CELSR3: variants seen among roughly 807,000 people sequenced by gnomAD.
The protein encoded by CELSR3 is cadherin EGF LAG seven-pass G-type receptor 3, also known as EGF-like protein 1.
CELSR3 carries 73 observed loss-of-function variants against 270.0 expected under a neutral mutation model. The observed-to-expected ratio is 0.27, with a 90% CI of 0.22 to 0.33. The LOEUF (loss-of-function observed/expected upper bound fraction) is 0.33. Ranked by LOEUF, CELSR3 falls within the 10% of genes least tolerant of loss-of-function variation. CELSR3 has a pLI of 1.00. For synonymous variants in CELSR3, 1,780 were observed against 1,905.4 expected (o/e 0.93, Z 1.71); for missense variants, 3,614 against 4,533.8 (o/e 0.80, Z 5.83).
rs748143720 is a variant in CELSR3, at chr3:48,651,091, C to T, written c.6187-16G>A. The T allele has an allele frequency of 6.5e-7, 1 of 1,547,214 alleles. No homozygotes were observed. The highest frequency in any genetic ancestry group is 2.3e-5 in the East Asian group (1 of 44,368). On this transcript the variant is annotated splice_polypyrimidine_tract_variant and intron_variant, in intron 14 of 34. Transcript: ENST00000164024. This position sits in a 1 kb window ranked among gnomAD's most constrained non-coding sequence, Gnocchi z 7.4. Reference sequence around the variant, plus strand: ...AGTGGAACTCCTGTTTGAGGATGGGCCAGGGGCCTGAAGTCAGAGGTCAGG... The same window carrying T: ...AGTGGAACTCCTGTTTGAGGATGGGTCAGGGGCCTGAAGTCAGAGGTCAGG...
chr3:48,644,350 GA>G lies in CELSR3; in HGVS notation c.8086-56del. ...GGCAGGGCAGAGAGAGAGAGAGAGAGAGAGGCAATGAGAGACAGAGAGAGAC... is the reference window on the plus strand; with the variant it reads ...GGCAGGGCAGAGAGAGAGAGAGAGAGGAGGCAATGAGAGACAGAGAGAGAC... On this transcript the variant is annotated intron_variant, in intron 26 of 34. Coordinates refer to ENST00000164024, the MANE Select transcript of CELSR3 (RefSeq NM_001407.3). This position sits in a 1 kb window ranked among gnomAD's most constrained non-coding sequence, Gnocchi z 4.8. 5 of 1,487,030 alleles carry G rather than the reference GA, an allele frequency of 3.4e-6. No homozygotes were observed. Among genetic ancestry groups the G allele is most frequent in the South Asian group, 2.3e-5 (2 of 87,946 alleles). 92.1% of individuals were successfully genotyped at this position (1,487,030 alleles called of 1,614,324 possible).
rs760479515 is a variant in CELSR3, at chr3:48,662,253, C to T, written c.382G>A (p.Gly128Arg). 1 of 1,613,178 alleles carries T rather than the reference C, an allele frequency of 6.2e-7. No homozygotes were observed. Residue 128 changes from glycine to arginine, a missense_variant, in exon 1 of 35, where the codon GGA (glycine) becomes AGA (arginine). Physicochemically the swap from Gly to Arg is moderately radical, Grantham distance 125. Around this residue, in one of 7 missense-constraint regions of CELSR3, gnomAD observed 470 missense variants for 469.7 expected, o/e 1.00. Coordinates refer to ENST00000164024, the MANE Select transcript of CELSR3 (RefSeq NM_001407.3). The surrounding 1 kb of genome is among the most constrained non-coding windows in gnomAD (Gnocchi z 7.1). ...CGCCAGTATAACACAGACCCTGGTC[C>T]CTGTCCTGTCTCTCGTTCGCGGCTG... ...LGSRERETGQGPGSVLYWRPE... is the reference protein window; with the variant it reads ...LGSRERETGQRPGSVLYWRPE...
In CELSR3 at chr3:48,646,405, CTTCTGCT is replaced by C; in HGVS notation, c.7296-155_7296-149del. ...AAGCTGTTTCTAAGAATCCCTCCAG[CTTCTGCT>C]GGGCTGCTGAGGGGCTGAGCAGCTC... On this transcript the variant is annotated intron_variant, in intron 21 of 34. Coordinates refer to ENST00000164024, the MANE Select transcript of CELSR3 (RefSeq NM_001407.3). The surrounding 1 kb of genome is among the most constrained non-coding windows in gnomAD (Gnocchi z 4.8). 2.2e-6 allele frequency: 2 copies of C among 926,804 alleles called. No individual in the cohort carries two copies. The highest frequency in any genetic ancestry group is 3.2e-6 in the Non-Finnish European group (2 of 631,896). 57.4% of individuals were successfully genotyped at this position (926,804 alleles called of 1,614,324 possible).
chr3:48,642,065 A>C lies in CELSR3; in HGVS notation c.8666-56T>G. 6.8e-7 allele frequency: 1 copy of C among 1,479,294 alleles called. No homozygotes were observed. The highest frequency in any genetic ancestry group is 9.0e-7 in the Non-Finnish European group (1 of 1,109,640). The allele number at this position is 1,479,294 out of a possible 1,614,324, so 91.6% of individuals were successfully genotyped here. A position where few individuals can be genotyped will look rare whatever the true frequency, so the allele number is the denominator to read the frequency against. On this transcript the variant is annotated intron_variant, in intron 31 of 34. Transcript: ENST00000164024. This position sits in a 1 kb window ranked among gnomAD's most constrained non-coding sequence, Gnocchi z 6.1. ...GAGGTAAGGGACTTGGAGATAAGGG[A>C]ATTTGGAGTTGAGGGTCTAGAGGTG...
chr3:48,661,458 G>A lies in CELSR3; in HGVS notation c.1177C>T (p.Arg393Cys). The A allele has an allele frequency of 6.2e-7, 1 of 1,608,854 alleles. No homozygotes were observed. The highest frequency in any genetic ancestry group is 8.5e-7 in the Non-Finnish European group (1 of 1,178,072). The change falls in exon 1 of 35, where the codon CGC becomes TGC. Residue 393 changes from arginine (R) to cysteine (C), a missense_variant. Physicochemically the swap from Arg to Cys is radical, Grantham distance 180. This residue lies in a region of CELSR3 where 354 missense variants were observed against 500.9 expected (regional missense o/e 0.71). Transcript: ENST00000164024. ...GLIRTAAALDRESMERHYLRV... is the reference protein window; with the variant it reads ...GLIRTAAALDCESMERHYLRV... Reference sequence around the variant, plus strand: ...AGGTAGTGACGCTCCATGCTCTCGCGGTCCAGAGCTGCCGCCGTACGGATA... The same window carrying A: ...AGGTAGTGACGCTCCATGCTCTCGCAGTCCAGAGCTGCCGCCGTACGGATA...
rs1195204816 is a variant in CELSR3 at position 48,659,266 on chromosome 3, T to C, written c.3369A>G (p.Glu1123=). 6.2e-7 allele frequency: 1 copy of C among 1,614,160 alleles called. No homozygotes were observed. The highest frequency in any genetic ancestry group is 1.7e-5 in the Admixed American group (1 of 60,022). ...ELFQMDIFSG[E]LTALIDLDYE... ...AGTCTAGGTCAATGAGTGCCGTCAGTTCTCCAGAGAAGATGTCCATTTGGA... is the reference window on the plus strand; with the variant it reads ...AGTCTAGGTCAATGAGTGCCGTCAGCTCTCCAGAGAAGATGTCCATTTGGA... Residue 1123 remains glutamate, a synonymous_variant, in exon 1 of 35, where the codon GAA becomes GAG. Transcript: ENST00000164024. This position sits in a 1 kb window ranked among gnomAD's most constrained non-coding sequence, Gnocchi z 8.1.
Position 48,640,477 on chromosome 3 carries a change from G to A in CELSR3, c.9108C>T (p.Thr3036=), listed in dbSNP as rs1406217647. The part of the protein sequence containing the change: ...APELSWCRAA[T]LGHRAVPAAS... ...CAGCTGGCACAGCACGGTGGCCCAAGGTGGCTGCACGGCACCAGGACAGCT... is the reference window on the plus strand; with the variant it reads ...CAGCTGGCACAGCACGGTGGCCCAAAGTGGCTGCACGGCACCAGGACAGCT... Residue 3036 remains threonine (T), a synonymous_variant, in exon 34 of 35, where the codon ACC becomes ACT. Coordinates refer to ENST00000164024, the MANE Select transcript of CELSR3 (RefSeq NM_001407.3). The surrounding 1 kb of genome is among the most constrained non-coding windows in gnomAD (Gnocchi z 7.5). 1.2e-6 allele frequency: 2 copies of A among 1,612,194 alleles called. No individual in the cohort carries two copies. Among genetic ancestry groups the A allele is most frequent in the South Asian group, 2.2e-5 (2 of 91,050 alleles).
intron 19 of CELSR3, 29 bp downstream of exon 19, chr3:48,648,237 T>TGGG: frequency 1.4e-6 from 2 of 1,427,706 alleles, no homozygotes; most frequent in Non-Finnish European, 2.0e-6. Context: ...CCCCCTGCTG[T>TGGG]GCCCCGCCCT....
In CELSR3 at chr3:48,637,006, A is replaced by T. The variant is rs2046976140; in HGVS notation, c.*1199T>A. 6.6e-6 allele frequency: 1 copy of T among 152,486 alleles called. No homozygotes were observed. The highest frequency in any genetic ancestry group is 2.1e-4 in the South Asian group (1 of 4,836). The allele number at this position is 152,486 out of a possible 1,614,324, so 9.4% of individuals were successfully genotyped here. Reference sequence around the variant, plus strand: ...TTCACTTGGAAACAAAGGAAAAAAAATTATCTACTGTAAACAAAGTGTAAA... The same window carrying T: ...TTCACTTGGAAACAAAGGAAAAAAATTTATCTACTGTAAACAAAGTGTAAA... On this transcript the variant is annotated 3_prime_UTR_variant, in exon 35 of 35. Transcript: ENST00000164024.
Position 48,648,249 on chromosome 3 carries a change from C to CCCCCCCCCCCAAA in CELSR3, c.6973+16_6973+17insTTTGGGGGGGGGG. 1.8e-5 allele frequency: 13 copies of CCCCCCCCCCCAAA among 728,348 alleles called. No individual in the cohort carries two copies. The highest frequency in any genetic ancestry group is 2.8e-5 in the Non-Finnish European group (12 of 433,724). The allele number at this position is 728,348 out of a possible 1,614,324, so 45.1% of individuals were successfully genotyped here. Reference sequence around the variant, plus strand: ...GGCCCCCCTGCTGTGCCCCGCCCTACCCCACCCACAACGCACTGATATTAG... The same window carrying CCCCCCCCCCCAAA: ...GGCCCCCCTGCTGTGCCCCGCCCTACCCCCCCCCCCAAACCCACCCACAACGCACTGATATTAG... On this transcript the variant is annotated intron_variant, in intron 19 of 34. Coordinates refer to ENST00000164024, the MANE Select transcript of CELSR3 (RefSeq NM_001407.3).
chr3:48,638,611 G>C (rs965929056), intron 34 of CELSR3, among the ~76,000 whole-genome samples: 1 of 149,238 alleles, frequency 6.7e-6, no homozygotes, highest in Non-Finnish European at 1.5e-5. Context: ...CTAAGGTCAC[G>C]CAGCTAGTAA....
Position 48,642,329 on chromosome 3 carries a change from C to A in CELSR3, c.8665+29G>T. ...GGATGGGGAGAGATCCTCTGCCTCC[C>A]TCCTCCCTGCCCCAGGCCCCAACTC... is the stretch of plus-strand genomic sequence containing the variant. On this transcript the variant is annotated intron_variant, in intron 31 of 34. Transcript: ENST00000164024. The surrounding 1 kb of genome is among the most constrained non-coding windows in gnomAD (Gnocchi z 6.1). 1 of 1,602,496 alleles carries A rather than the reference C, an allele frequency of 6.2e-7. No individual in the cohort carries two copies. The highest frequency in any genetic ancestry group is 1.1e-5 in the South Asian group (1 of 89,876).
At position 48,660,547 on chromosome 3, in the gene CELSR3, A is replaced by G. The variant is rs2077058631; in HGVS notation, c.2088T>C (p.Asp696=). Residue 696 remains aspartate, a synonymous_variant, in exon 1 of 35, where the codon GAT becomes GAC. Coordinates refer to ENST00000164024, the MANE Select transcript of CELSR3 (RefSeq NM_001407.3). This position sits in a 1 kb window ranked among gnomAD's most constrained non-coding sequence, Gnocchi z 5.5. The stretch of plus-strand genomic sequence containing the variant: ...TGGCGCTGTTTATCACAAAAGGAGT[A>G]TCAGGTGCCACACCAGTTAGGGAGT... The part of the protein sequence containing the change: ...LEYSLTGVAP[D]TPFVINSATG... 6.2e-7 allele frequency: 1 copy of G among 1,614,194 alleles called. No individual in the cohort carries two copies. Among genetic ancestry groups the G allele is most frequent in the African/African-American group, 1.3e-5 (1 of 75,056 alleles).
Position 48,650,485 on chromosome 3 carries a change from G to GC in CELSR3, c.6466dup (p.Ala2156GlyfsTer10). ...CTTTCCCCCCACATACTCACCCAGGGCCCCCCGGGGACAGGGCACTGTGGC... is the reference window on the plus strand; with the variant it reads ...CTTTCCCCCCACATACTCACCCAGGGCCCCCCCGGGGACAGGGCACTGTGGC... On this transcript the variant is annotated frameshift_variant, in exon 16 of 35. Coordinates refer to ENST00000164024, the MANE Select transcript of CELSR3 (RefSeq NM_001407.3). LOFTEE classifies it high-confidence loss of function. This position sits in a 1 kb window ranked among gnomAD's most constrained non-coding sequence, Gnocchi z 5.1. 2 of 1,596,138 alleles carry GC rather than the reference G, an allele frequency of 1.3e-6. No homozygotes were observed. Among genetic ancestry groups the GC allele is most frequent in the Non-Finnish European group, 8.5e-7 (1 of 1,170,558 alleles).
At position 48,650,723 on chromosome 3, in the gene CELSR3, G is replaced by A. The variant is rs1440104302; in HGVS notation, c.6371-142C>T. 1 of 1,026,476 alleles carries A rather than the reference G, an allele frequency of 9.7e-7. No individual in the cohort carries two copies. 63.6% of individuals were successfully genotyped at this position (1,026,476 alleles called of 1,614,324 possible). A position where few individuals can be genotyped will look rare whatever the true frequency, so the allele number is the denominator to read the frequency against. On this transcript the variant is annotated intron_variant, in intron 15 of 34. Transcript: ENST00000164024. The surrounding 1 kb of genome is among the most constrained non-coding windows in gnomAD (Gnocchi z 5.1). ...CTCAGGAGCTGACCTGTCAGATTCT[G>A]TGACAGGTCAGCAAAGTACTTGGGG...
chr3:48,645,112 A>G lies in CELSR3; in HGVS notation c.7895T>C (p.Val2632Ala). 6.2e-7 allele frequency: 1 copy of G among 1,605,842 alleles called. No homozygotes were observed. The highest frequency in any genetic ancestry group is 8.5e-7 in the Non-Finnish European group (1 of 1,174,262). ...VQGLHLYRMQ[V>A]EPRNVDRGAM... is the part of the protein sequence containing the mutation. ...GCCGCGGTCCACGTTGCGTGGCTCA[A>G]CCTGCATGCGGTAGAGGTGCAGCCC... Residue 2632 changes from valine (V) to alanine (A), a missense_variant, in exon 25 of 35, where the codon GTT (valine) becomes GCT (alanine). Transcript: ENST00000164024. The surrounding 1 kb of genome is among the most constrained non-coding windows in gnomAD (Gnocchi z 5.4).
At position 48,659,411 on chromosome 3, in the gene CELSR3, C is replaced by T. The variant is rs368443183; in HGVS notation, c.3224G>A (p.Arg1075Gln). The change falls in exon 1 of 35, where the codon CGG (arginine) becomes CAG (glutamine). Residue 1075 changes from arginine to glutamine, a missense_variant. This residue lies in a region of CELSR3 where 1,331 missense variants were observed against 1,933.7 expected (regional missense o/e 0.69). Coordinates refer to ENST00000164024, the MANE Select transcript of CELSR3 (RefSeq NM_001407.3). This position sits in a 1 kb window ranked among gnomAD's most constrained non-coding sequence, Gnocchi z 8.1. ...GCCCACAATGCTATTCTCTTTCACC[C>T]GCACCTCAAACTCCTCAGCTGGGAA... ...PVFPAEEFEV[R>Q]VKENSIVGSV... 1.6e-5 allele frequency: 26 copies of T among 1,614,094 alleles called. No individual in the cohort carries two copies. The East Asian group carries it at 2.0e-4, about 12-fold the overall frequency.
rs775009876 is a variant in CELSR3 at position 48,646,084 on chromosome 3, C to A, written c.7463+6G>T. 5.6e-6 allele frequency: 9 copies of A among 1,611,836 alleles called. No homozygotes were observed. The highest frequency in any genetic ancestry group is 5.1e-6 in the Non-Finnish European group (6 of 1,179,382). On this transcript the variant is annotated splice_donor_region_variant and intron_variant, in intron 22 of 34. Transcript: ENST00000164024. The surrounding 1 kb of genome is among the most constrained non-coding windows in gnomAD (Gnocchi z 4.8). ...GACCAAGGGTTTCCAGAATGGGGGTCCTCACAGGCCAGGTGGGTCCCACTG... is the reference window on the plus strand; with the variant it reads ...GACCAAGGGTTTCCAGAATGGGGGTACTCACAGGCCAGGTGGGTCCCACTG...
Position 48,651,469 on chromosome 3 carries a change from G to A in CELSR3, c.6076C>T (p.Gln2026Ter). 6.2e-7 allele frequency: 1 copy of A among 1,613,868 alleles called. No homozygotes were observed. The highest frequency in any genetic ancestry group is 8.5e-7 in the Non-Finnish European group (1 of 1,179,936). Reference sequence around the variant, plus strand: ...CTCCCCCACCAGCCCCGTGGGCACTGCTGGTCCATCCTGGGGGTGCAGAGC... The same window carrying A: ...CTCCCCCACCAGCCCCGTGGGCACTACTGGTCCATCCTGGGGGTGCAGAGC... ...GHHCEHRMDQ[Q>*]CPRGWWGSPT... is the part of the protein sequence containing the mutation. Residue 2026 changes from glutamine (Q) to a stop codon, truncating the protein, a stop_gained, in exon 14 of 35, where the codon CAG (glutamine) becomes TAG (stop). Transcript: ENST00000164024. LOFTEE classifies it high-confidence loss of function. The surrounding 1 kb of genome is among the most constrained non-coding windows in gnomAD (Gnocchi z 7.4).
Sources: allele counts gnomAD v4.1 joint callset (sites outside exome capture counted in the v4.1 genomes callset), GRCh38; gene constraint gnomAD v4.1.1; regional missense constraint gnomAD v4.1.1; non-coding constraint Gnocchi (gnomAD v3.1); transcripts MANE v1.5; gene names NCBI Gene and HGNC (gene_info 2026-07-23, HGNC 2026-07-21).